Variants in NALF1 observed in about 807,000 individuals in gnomAD.
NALF1 encodes the protein family with sequence similarity 155 member A.
NALF1 carries 3 observed loss-of-function variants against 48.4 expected under a neutral mutation model. The observed-to-expected ratio is 0.06, with a 90% CI of 0.03 to 0.16. The LOEUF is 0.16. Ranked by LOEUF, NALF1 falls within the 10% of genes least tolerant of loss-of-function variation. The pLI is 1.00. For missense variants in NALF1, 526 were observed against 571.5 expected (o/e 0.92, Z 0.81); for synonymous variants, 262 against 245.7 (o/e 1.07, Z -0.62).
intron 1 of NALF1, among the ~76,000 whole-genome samples, chr13:107,643,023 C>T (rs1880202707): frequency 6.6e-6 from 1 of 151,994 alleles, no homozygotes; most frequent in Admixed American, 6.6e-5. Flanking sequence ...GACAGCATCC[C>T]ACACAGCTGA....
chr13:107,639,978 G>T (rs138363099), intron 1 of NALF1, among the ~76,000 whole-genome samples: 6 of 151,982 alleles, frequency 3.9e-5, no homozygotes, highest in Admixed American at 3.3e-4. Flanking sequence ...TTTTGAATTC[G>T]TCTTTATAAT....
At chr13:107,244,967 T>C (rs531486006) in intron 1 of NALF1, among the ~76,000 whole-genome samples, 2 of 152,342 alleles carry the variant, frequency 1.3e-5, no homozygotes, top group African/African-American at 2.4e-5. Flanking sequence ...GAGCCATTCA[T>C]ACTTTATAAT....
At chr13:107,581,499 T>C (rs147901458) in intron 1 of NALF1, among the ~76,000 whole-genome samples, 9 of 152,264 alleles carry the variant, frequency 5.9e-5, no homozygotes, top group African/African-American at 2.2e-4. Flanking sequence ...CCAAAATCAA[T>C]GGTCTTGCTA....
In NALF1 at chr13:107,683,580, C is replaced by T. The variant is rs73601393; in HGVS notation, c.915+182102G>A. Among the ~76,000 whole-genome samples the T allele has an allele frequency of 5.3e-4, 80 of 152,260 alleles. No individual in the cohort carries two copies. The Middle Eastern group carries it at 0.01, about 19-fold the overall frequency. ...CATGGCAGGAAGCCTGCAGTGGGGA[C>T]GGAGAATACAGTTCTTTCACTCCCT... On this transcript the variant is annotated intron_variant, in intron 1 of 2. Coordinates refer to ENST00000375915, the MANE Select transcript of NALF1 (RefSeq NM_001080396.3).
chr13:107,412,394 G>A (rs1335556549), intron 1 of NALF1, among the ~76,000 whole-genome samples: 1 of 152,102 alleles, frequency 6.6e-6, no homozygotes, highest in Non-Finnish European at 1.5e-5. Context: ...TAGTCATCCT[G>A]TTTTGGTGTC....
chr13:107,511,142 G>A (rs1182300621), intron 1 of NALF1, among the ~76,000 whole-genome samples: 1 of 152,144 alleles, frequency 6.6e-6, no homozygotes, highest in Non-Finnish European at 1.5e-5. Flanking sequence ...CAGTGACACC[G>A]GATGGAGGGC....
intron 1 of NALF1, among the ~76,000 whole-genome samples, chr13:107,371,018 T>G (rs9520410): frequency 0.084 from 12,835 of 152,214 alleles, 587 homozygotes; most frequent in Non-Finnish European, 0.098. Context: ...GAACTACAAT[T>G]CAAGATGAGA....
chr13:107,328,274 AC>A (rs1338389652), intron 1 of NALF1, among the ~76,000 whole-genome samples: 2 of 8,682 alleles, frequency 2.3e-4, no homozygotes, highest in African/African-American at 2.5e-3. Flanking sequence ...CTCCTGCAAT[AC>A]ACACACACAC....
At chr13:107,303,394 A>G (rs55761352) in intron 1 of NALF1, among the ~76,000 whole-genome samples, 7,308 of 152,274 alleles carry the variant, frequency 0.048, 250 homozygotes, top group East Asian at 0.19. Flanking sequence ...TTCTCTATAG[A>G]TATATTATAT....
At chr13:107,532,822 T>C (rs985407530) in intron 1 of NALF1, among the ~76,000 whole-genome samples, 9 of 151,886 alleles carry the variant, frequency 5.9e-5, no homozygotes, top group Admixed American at 3.9e-4. Flanking sequence ...TATTCAGGAA[T>C]ATAATTTTGT....
At chr13:107,269,768 G>A (rs72666535) in intron 1 of NALF1, among the ~76,000 whole-genome samples, 3,802 of 151,678 alleles carry the variant, frequency 0.025, 61 homozygotes, top group Non-Finnish European at 0.036. Flanking sequence ...CACTTGTGAT[G>A]TTACAAGCAA....
At chr13:107,407,179 G>A (rs1451806085) in intron 1 of NALF1, among the ~76,000 whole-genome samples, 1 of 151,924 alleles carries the variant, frequency 6.6e-6, no homozygotes, top group Admixed American at 6.6e-5. Flanking sequence ...AGAGAACATT[G>A]GGGAAACTCT....
Position 107,170,340 on chromosome 13 carries a change from T to A in NALF1, c.*157A>T. The A allele has an allele frequency of 1.6e-6, 1 of 624,004 alleles. No homozygotes were observed. Among genetic ancestry groups the A allele is most frequent in the Non-Finnish European group, 2.7e-6 (1 of 369,332 alleles). 38.7% of individuals were successfully genotyped at this position (624,004 alleles called of 1,614,324 possible). ...TAGTCAATAAAAAGCTGTGGTTGTG[T>A]CCTTGTTTGGATTCAGGCCCATCTG... On this transcript the variant is annotated 3_prime_UTR_variant, in exon 3 of 3. Coordinates refer to ENST00000375915, the MANE Select transcript of NALF1 (RefSeq NM_001080396.3).
At chr13:107,223,877 A>G (rs976001271) in intron 1 of NALF1, among the ~76,000 whole-genome samples, 1 of 152,190 alleles carries the variant, frequency 6.6e-6, no homozygotes, top group Non-Finnish European at 1.5e-5. Context: ...AGGAAAGAAG[A>G]CTTTTCTCTG....
intron 1 of NALF1, among the ~76,000 whole-genome samples, chr13:107,828,998 C>T (rs916941114): frequency 5.3e-5 from 8 of 152,058 alleles, no homozygotes; most frequent in Admixed American, 5.2e-4. Context: ...TCAATAAAAC[C>T]TGTATCCATT....
intron 1 of NALF1, among the ~76,000 whole-genome samples, chr13:107,334,864 C>A (rs536552755): frequency 3.9e-5 from 6 of 152,094 alleles, no homozygotes; most frequent in Non-Finnish European, 8.8e-5. Context: ...GTTGATGGTG[C>A]TTTGTCTTGC....
intron 1 of NALF1, among the ~76,000 whole-genome samples, chr13:107,865,385 CAG>C (rs1485083929): frequency 2.6e-5 from 4 of 152,116 alleles, no homozygotes; most frequent in Non-Finnish European, 4.4e-5. Context: ...AAAGATGTAA[CAG>C]AGTTTGAGCC....
chr13:107,280,554 A>G (rs918424999), intron 1 of NALF1, among the ~76,000 whole-genome samples: 3 of 152,218 alleles, frequency 2.0e-5, no homozygotes, highest in African/African-American at 7.2e-5. Context: ...ACATAATCAC[A>G]GAAGGTCCCA....
chr13:107,489,451 C>G (rs1214980596), intron 1 of NALF1, among the ~76,000 whole-genome samples: 1 of 152,006 alleles, frequency 6.6e-6, no homozygotes, highest in African/African-American at 2.4e-5. Context: ...TGGAACAGAA[C>G]AGAGAACCCA....
Sources: allele counts gnomAD v4.1 joint callset (sites outside exome capture counted in the v4.1 genomes callset), GRCh38; gene constraint gnomAD v4.1.1; transcripts MANE v1.5; gene names NCBI Gene and HGNC (gene_info 2026-07-23, HGNC 2026-07-21).